PTPRT: variants seen among roughly 807,000 people sequenced by gnomAD.
PTPRT encodes receptor-type tyrosine-protein phosphatase T.
Under a neutral mutation model 176.8 loss-of-function variants are expected in PTPRT, and 56 were observed. That is an observed-to-expected ratio of 0.32 (90% CI 0.26 to 0.40). The LOEUF (loss-of-function observed/expected upper bound fraction) is 0.40. Among genes scored for constraint, PTPRT ranks in the 10% least tolerant of loss-of-function variants. PTPRT has a pLI of 1.00. For synonymous variants in PTPRT, 783 were observed against 739.0 expected (o/e 1.06, Z -0.96); for missense variants, 1,540 against 1,908.2 (o/e 0.81, Z 3.60).
intron 9 of PTPRT, among the ~76,000 whole-genome samples, chr20:42,431,485 A>G (rs1394408701): frequency 6.6e-6 from 1 of 152,234 alleles, no homozygotes; most frequent in Non-Finnish European, 1.5e-5. Flanking sequence ...TTGTGATTAA[A>G]CAGTTAATGA....
intron 17 of PTPRT, among the ~76,000 whole-genome samples, chr20:42,152,110 T>G (rs1408243731): frequency 6.6e-6 from 1 of 152,118 alleles, no homozygotes; most frequent in African/African-American, 2.4e-5. Flanking sequence ...CGGCAGAAAT[T>G]TTAGGGTTTC....
intron 9 of PTPRT, among the ~76,000 whole-genome samples, chr20:42,430,904 A>G (rs553716636): frequency 6.6e-6 from 1 of 152,328 alleles, no homozygotes; most frequent in Non-Finnish European, 1.5e-5. Flanking sequence ...TAAAAACTCA[A>G]CACAATACTT....
chr20:42,934,751 C>T (rs1238603293), intron 1 of PTPRT, among the ~76,000 whole-genome samples: 1 of 152,048 alleles, frequency 6.6e-6, no homozygotes, highest in African/African-American at 2.4e-5. Context: ...AGAGAAAGCA[C>T]CAGCAAAGAG....
intron 18 of PTPRT, among the ~76,000 whole-genome samples, chr20:42,130,002 T>C (rs1220305363): frequency 6.6e-6 from 1 of 152,172 alleles, no homozygotes; most frequent in Non-Finnish European, 1.5e-5. Flanking sequence ...TGGGTTCTTT[T>C]AGCCCTTGTT....
At chr20:42,179,988 T>A (rs1436766892) in intron 16 of PTPRT, among the ~76,000 whole-genome samples, 1 of 152,152 alleles carries the variant, frequency 6.6e-6, no homozygotes, top group East Asian at 1.9e-4. Flanking sequence ...CAAGGACAGA[T>A]CCTGGATGCG....
rs542562816 is a variant in PTPRT, at chr20:42,555,421, C to T, written c.1154-82859G>A. Reference sequence around the variant, plus strand: ...AACTAAATAAGTAAACCATACAGAACGATAATAGAACATGATGAGTACGAG... The same window carrying T: ...AACTAAATAAGTAAACCATACAGAATGATAATAGAACATGATGAGTACGAG... On this transcript the variant is annotated intron_variant, in intron 7 of 30. Transcript: ENST00000373187. 5.9e-5 allele frequency among the ~76,000 whole-genome samples: 9 copies of T among 152,154 alleles called. 1 individual carries two copies. In the South Asian group the frequency reaches 6.2e-4, roughly 11 times the overall value.
At chr20:42,528,936 G>T (rs1225595493) in intron 7 of PTPRT, among the ~76,000 whole-genome samples, 4 of 152,184 alleles carry the variant, frequency 2.6e-5, no homozygotes, top group Non-Finnish European at 5.9e-5. Flanking sequence ...CAGACTTTGT[G>T]TCCTGACTTT....
At chr20:42,848,866 C>T (rs2078422623) in intron 2 of PTPRT, among the ~76,000 whole-genome samples, 2 of 152,098 alleles carry the variant, frequency 1.3e-5, no homozygotes, top group South Asian at 4.2e-4. Flanking sequence ...CTTTTGGGTT[C>T]TTGGTCATGA....
intron 11 of PTPRT, among the ~76,000 whole-genome samples, chr20:42,345,582 ATGTGTGTG>A (rs56310086): frequency 0.2 from 19,190 of 94,442 alleles, 1,781 homozygotes; most frequent in Middle Eastern, 0.32. Context: ...ATACATATAT[ATGTGTGTG>A]TGTGTGTGTG....
chr20:42,343,325 T>G (rs1413386292), intron 11 of PTPRT, among the ~76,000 whole-genome samples: 1 of 152,106 alleles, frequency 6.6e-6, no homozygotes. Flanking sequence ...GGCACCACTT[T>G]CCATCCCACG....
chr20:42,960,075 G>A (rs1981901749), intron 1 of PTPRT, among the ~76,000 whole-genome samples: 2 of 152,042 alleles, frequency 1.3e-5, no homozygotes, highest in Non-Finnish European at 2.9e-5. Flanking sequence ...CAATGAGCAA[G>A]TCTGGACTCT....
intron 7 of PTPRT, among the ~76,000 whole-genome samples, chr20:42,659,828 G>A (rs1410390181): frequency 6.6e-6 from 1 of 152,060 alleles, no homozygotes; most frequent in Non-Finnish European, 1.5e-5. Flanking sequence ...ATTAATCAGA[G>A]CTCTTGCCTC....
At chr20:43,054,507 T>C (rs566190644) in intron 1 of PTPRT, among the ~76,000 whole-genome samples, 1 of 151,468 alleles carries the variant, frequency 6.6e-6, no homozygotes, top group Non-Finnish European at 1.5e-5. Context: ...TGGGCCAAGA[T>C]TGTACCACTA....
intron 2 of PTPRT, among the ~76,000 whole-genome samples, chr20:42,830,148 A>T (rs2078060405): frequency 6.6e-6 from 1 of 152,218 alleles, no homozygotes; most frequent in Non-Finnish European, 1.5e-5. Flanking sequence ...CAACAAAAAA[A>T]GAAACTTCAG....
chr20:42,354,757 A>G (rs576135232), intron 9 of PTPRT, among the ~76,000 whole-genome samples: 1 of 152,204 alleles, frequency 6.6e-6, no homozygotes, highest in Non-Finnish European at 1.5e-5. Context: ...TCCCTTCAAA[A>G]ATAAGCAATT....
intron 2 of PTPRT, among the ~76,000 whole-genome samples, chr20:42,804,467 A>C (rs2077576127): frequency 6.6e-6 from 1 of 152,236 alleles, no homozygotes; most frequent in African/African-American, 2.4e-5. Flanking sequence ...CAAGCCCTGC[A>C]GTAGAACCTA....
At chr20:42,384,397 A>T (rs2058723404) in intron 9 of PTPRT, among the ~76,000 whole-genome samples, 1 of 152,188 alleles carries the variant, frequency 6.6e-6, no homozygotes, top group Non-Finnish European at 1.5e-5. Context: ...CTTGAGGATG[A>T]ATCGGTAGGA....
At chr20:43,060,785 C>T (rs181621106) in intron 1 of PTPRT, among the ~76,000 whole-genome samples, 14 of 152,238 alleles carry the variant, frequency 9.2e-5, no homozygotes, top group African/African-American at 2.2e-4. Flanking sequence ...ATTCATATGA[C>T]GTTCTACAAT....
chr20:42,055,503 C>A, the PTPRT span, among the ~76,000 whole-genome samples: 1 of 152,182 alleles, frequency 6.6e-6, no homozygotes, highest in African/African-American at 2.4e-5. Context: ...ATTTGTTTTT[C>A]TAAGAGCAAA....
Sources: gnomAD v4.1 joint callset for allele counts (sites outside exome capture counted in the v4.1 genomes callset) on GRCh38, gnomAD v4.1.1 for gene constraint, MANE v1.5 for transcripts, NCBI Gene and HGNC (gene_info 2026-07-23, HGNC 2026-07-21) for gene names.